Variants in SRGAP2C observed in about 807,000 individuals in gnomAD.
The protein encoded by SRGAP2C is SLIT-ROBO Rho GTPase activating protein 2C.
In SRGAP2C, 15 loss-of-function variants were observed where a neutral mutation model predicts 25.1. The observed-to-expected ratio is 0.60, with a 90% confidence interval of 0.40 to 0.92. The LOEUF (loss-of-function observed/expected upper bound fraction) is 0.92, where lower values mean the gene tolerates loss of function less well. Among genes scored for constraint, SRGAP2C ranks in the 40% least tolerant of loss-of-function variants. The pLI is 0.00. For missense variants in SRGAP2C, 144 were observed against 264.4 expected, an observed-to-expected ratio of 0.54 and a Z score of 3.16; for synonymous variants, 44 against 96.6, an observed-to-expected ratio of 0.46 and a Z score of 3.19.
At chr1:121,249,572 ATATATATATTTTTTTTT>A (rs1656301603) in intron 2 of SRGAP2C, among the ~76,000 whole-genome samples, 1 of 27,506 alleles carries the variant, frequency 3.6e-5, no homozygotes, top group African/African-American at 1.6e-4. Context: ...ATATATATAT[ATATATATATTTTTTTTT>A]TTTTTTTTTA....
At chr1:121,201,490 A>C (rs1553321695) in intron 2 of SRGAP2C, among the ~76,000 whole-genome samples, 1 of 152,008 alleles carries the variant, frequency 6.6e-6, no homozygotes, top group African/African-American at 2.4e-5. Context: ...TTAATCATTA[A>C]GCAGAGACAG....
chr1:121,253,948 C>T (rs1341346586), intron 2 of SRGAP2C, among the ~76,000 whole-genome samples: 2 of 151,746 alleles, frequency 1.3e-5, no homozygotes, highest in African/African-American at 2.4e-5. Flanking sequence ...AGTCTCACTC[C>T]GTCACCCAGG....
At chr1:121,320,813 C>A (rs1553341045) in intron 3 of SRGAP2C, among the ~76,000 whole-genome samples, 16 of 152,102 alleles carry the variant, frequency 1.1e-4, no homozygotes, top group Admixed American at 9.2e-4. Context: ...ATTGGATAAG[C>A]CCCAACATGT....
At chr1:121,337,763 A>G (rs1440152218) in intron 4 of SRGAP2C, among the ~76,000 whole-genome samples, 2 of 136,052 alleles carry the variant, frequency 1.5e-5, no homozygotes, top group African/African-American at 5.5e-5. Flanking sequence ...GGGAGAAACC[A>G]CACACACGAA....
intron 2 of SRGAP2C, among the ~76,000 whole-genome samples, chr1:121,226,066 A>C (rs1235873723): frequency 3.3e-5 from 5 of 152,120 alleles, no homozygotes; most frequent in South Asian, 2.1e-4. Flanking sequence ...AGGGCCTGAA[A>C]TGGTGGTATT....
intron 3 of SRGAP2C, among the ~76,000 whole-genome samples, chr1:121,285,420 A>ACACACACACACACT (rs1487748717): frequency 6.7e-6 from 1 of 148,352 alleles, no homozygotes; most frequent in Non-Finnish European, 1.5e-5. Flanking sequence ...ACACACACAC[A>ACACACACACACACT]CACACTCACA....
intron 2 of SRGAP2C, among the ~76,000 whole-genome samples, chr1:121,211,408 T>C (rs1260736668): frequency 2.8e-4 from 33 of 117,338 alleles, no homozygotes; most frequent in African/African-American, 1.0e-3. Flanking sequence ...GAGATATATA[T>C]ATACACATAC....
intron 3 of SRGAP2C, among the ~76,000 whole-genome samples, chr1:121,296,002 C>A (rs1329977034): frequency 6.6e-6 from 1 of 151,658 alleles, no homozygotes; most frequent in East Asian, 1.9e-4. Context: ...CTCAGGTGAT[C>A]CGCACACCTT....
At chr1:121,297,098 G>C (rs1242488924) in intron 3 of SRGAP2C, among the ~76,000 whole-genome samples, 1 of 151,840 alleles carries the variant, frequency 6.6e-6, no homozygotes, top group African/African-American at 2.4e-5. Flanking sequence ...GTGTTGCAAG[G>C]GTTGGCTTCC....
At chr1:121,260,307 C>T (rs1466147259) in intron 2 of SRGAP2C, among the ~76,000 whole-genome samples, 4 of 151,986 alleles carry the variant, frequency 2.6e-5, no homozygotes, top group Middle Eastern at 3.4e-3. Context: ...GCAGAGGAAA[C>T]AGCCAGTTTA....
At position 121,374,905 on chromosome 1, in the gene SRGAP2C, A is replaced by G. The variant is rs782298565; in HGVS notation, c.782A>G (p.Asn261Ser). 44 of 779,032 alleles carry G rather than the reference A, an allele frequency of 5.6e-5. No individual in the cohort carries two copies. Among genetic ancestry groups the G allele is most frequent in the African/African-American group, 5.2e-4 (31 of 59,104 alleles). The allele number at this position is 779,032 out of a possible 1,614,324, so 48.3% of individuals were successfully genotyped here. Reference sequence around the variant, plus strand: ...TACTTGCTGGCTTTGGAGGCAACCAATGCATCTGTCTTCAAGTACTACATC... The same window carrying G: ...TACTTGCTGGCTTTGGAGGCAACCAGTGCATCTGTCTTCAAGTACTACATC... ...NEYLLALEAT[N>S]ASVFKYYIHD... is the part of the protein sequence containing the mutation. Residue 261 changes from asparagine to serine, a missense_variant, in exon 7 of 10, where the codon AAT becomes AGT. Around this residue, in one of 5 missense-constraint regions of SRGAP2C, gnomAD observed 34 missense variants for 23.0 expected, o/e 1.48. Transcript: ENST00000367123.
chr1:121,379,271 A>C (rs1659750293), intron 7 of SRGAP2C, among the ~76,000 whole-genome samples: 2 of 151,960 alleles, frequency 1.3e-5, no homozygotes. Context: ...GGGTGAAGAT[A>C]TCAGCTGGGA....
At chr1:121,339,326 A>G (rs1321659842) in intron 4 of SRGAP2C, among the ~76,000 whole-genome samples, 6 of 144,160 alleles carry the variant, frequency 4.2e-5, no homozygotes, top group South Asian at 4.3e-4. Context: ...ATCTTGGCTC[A>G]CTGCAACCTC....
intron 4 of SRGAP2C, among the ~76,000 whole-genome samples, chr1:121,329,440 G>T (rs1553342015): frequency 1.5e-4 from 20 of 129,370 alleles, no homozygotes; most frequent in African/African-American, 5.9e-4. Context: ...AACCTTCAAA[G>T]GGTATGGAGA....
intron 4 of SRGAP2C, among the ~76,000 whole-genome samples, chr1:121,343,155 T>G (rs1418262610): frequency 6.6e-6 from 1 of 151,920 alleles, no homozygotes; most frequent in African/African-American, 2.4e-5. Context: ...CACAAAAGAA[T>G]TACCCCTGTG....
chr1:121,306,990 G>T (rs1285002444), intron 3 of SRGAP2C, among the ~76,000 whole-genome samples: 1 of 150,336 alleles, frequency 6.7e-6, no homozygotes, highest in Non-Finnish European at 1.5e-5. Context: ...TTGAGATGGG[G>T]TCTCACTCTT....
chr1:121,332,620 G>T (rs1483970319), intron 4 of SRGAP2C, among the ~76,000 whole-genome samples: 1 of 150,178 alleles, frequency 6.7e-6, no homozygotes, highest in Non-Finnish European at 1.5e-5. Context: ...ACAACAGTCA[G>T]ATTTCTTTTG....
intron 3 of SRGAP2C, among the ~76,000 whole-genome samples, chr1:121,307,813 G>A (rs1262577507): frequency 6.6e-6 from 1 of 151,634 alleles, no homozygotes; most frequent in Non-Finnish European, 1.5e-5. Flanking sequence ...GGGGTTAACT[G>A]AGGCCACAGA....
intron 4 of SRGAP2C, among the ~76,000 whole-genome samples, chr1:121,355,013 G>T (rs1390926540): frequency 1.6e-5 from 1 of 61,158 alleles, no homozygotes; most frequent in Admixed American, 2.2e-4. Flanking sequence ...CTCCAGCCTG[G>T]TGATAGAGCG....
Sources: gnomAD v4.1 joint callset for allele counts (sites outside exome capture counted in the v4.1 genomes callset) on GRCh38, gnomAD v4.1.1 for gene constraint, gnomAD v4.1.1 regional missense constraint, MANE v1.5 for transcripts, NCBI Gene and HGNC (gene_info 2026-07-23, HGNC 2026-07-21) for gene names.